The following ALK variants were observed in gnomAD, a reference collection of about 807,000 sequenced individuals.
ALK encodes the protein ALK receptor tyrosine kinase.
A neutral mutation model predicts 163.1 loss-of-function variants in ALK; 74 were observed. The ratio of observed to expected loss-of-function variants is 0.45; its 90% CI spans 0.38 to 0.55. The LOEUF is 0.55. ALK is among the 20% of genes least tolerant of loss of function. ALK has a pLI of 0.00. For synonymous variants in ALK, 960 were observed against 843.2 expected (o/e 1.14, Z -2.40); for missense variants, 2,063 against 2,105.3 (o/e 0.98, Z 0.39).
In ALK at chr2:29,355,566, G is replaced by A. The variant is rs530305821; in HGVS notation, c.1283-27085C>T. 4.6e-5 allele frequency among the ~76,000 whole-genome samples: 7 copies of A among 152,174 alleles called. No individual in the cohort carries two copies. The South Asian group carries it at 1.2e-3, about 27-fold the overall frequency. On this transcript the variant is annotated intron_variant, in intron 5 of 28. Transcript: ENST00000389048. Reference sequence around the variant, plus strand: ...TCCTTATGCCACTATCCCATCCCTCGGCTGAGGCGTGTTGCCCAATGGGCC... The same window carrying A: ...TCCTTATGCCACTATCCCATCCCTCAGCTGAGGCGTGTTGCCCAATGGGCC...
chr2:29,720,903 T>C (rs1489267617), intron 1 of ALK, among the ~76,000 whole-genome samples: 2 of 152,094 alleles, frequency 1.3e-5, no homozygotes, highest in African/African-American at 2.4e-5. Flanking sequence ...GCCTCATCAA[T>C]GCAGATATAT....
At chr2:29,865,252 C>T (rs1666402867) in intron 1 of ALK, among the ~76,000 whole-genome samples, 1 of 152,188 alleles carries the variant, frequency 6.6e-6, no homozygotes. Flanking sequence ...GGATTTTTAT[C>T]ACAGTGACTA....
chr2:29,890,640 C>A (rs1017935033), intron 1 of ALK: 2 of 152,212 alleles, frequency 1.3e-5, no homozygotes, highest in East Asian at 3.8e-4. Flanking sequence ...TCTCTCTCCA[C>A]GGCCCCTCTG....
At chr2:29,652,606 A>G (rs7561703) in intron 3 of ALK, among the ~76,000 whole-genome samples, 16,038 of 152,220 alleles carry the variant, frequency 0.11, 1,582 homozygotes, top group African/African-American at 0.26. Context: ...CCAAGGCAGG[A>G]TTAGAAGATA....
At chr2:29,211,693 G>C (rs1411463129) in intron 24 of ALK, among the ~76,000 whole-genome samples, 2 of 152,204 alleles carry the variant, frequency 1.3e-5, no homozygotes, top group African/African-American at 2.4e-5. Context: ...ACTCTGTTGT[G>C]GGTATGTACC....
chr2:29,314,864 C>G (rs1298613308), intron 8 of ALK, among the ~76,000 whole-genome samples: 4 of 152,100 alleles, frequency 2.6e-5, no homozygotes, highest in South Asian at 2.1e-4. Flanking sequence ...TCAGCCGCCA[C>G]TCTGCCGTGC....
chr2:29,570,012 AC>A (rs1674310288), intron 3 of ALK, among the ~76,000 whole-genome samples: 2 of 152,168 alleles, frequency 1.3e-5, no homozygotes, highest in South Asian at 2.1e-4. Context: ...GCCTGAAGGA[AC>A]CACCTGCTTA....
intron 3 of ALK, among the ~76,000 whole-genome samples, chr2:29,625,038 G>A (rs546511813): frequency 2.0e-5 from 3 of 152,316 alleles, no homozygotes; most frequent in East Asian, 1.9e-4. Context: ...TGGTATGGAC[G>A]TGAGTGTGTC....
At chr2:29,838,390 T>A (rs1249382616) in intron 1 of ALK, among the ~76,000 whole-genome samples, 2 of 152,038 alleles carry the variant, frequency 1.3e-5, no homozygotes, top group Non-Finnish European at 2.9e-5. Context: ...CCACACATGA[T>A]AAATACAATG....
chr2:29,497,258 G>C (rs1022040601), intron 4 of ALK, among the ~76,000 whole-genome samples: 2 of 148,960 alleles, frequency 1.3e-5, no homozygotes, highest in African/African-American at 5.0e-5. Flanking sequence ...GGCAACAAGA[G>C]TGAAACTCCA....
At chr2:29,195,677 G>A (rs1669004374) in intron 28 of ALK, among the ~76,000 whole-genome samples, 2 of 152,248 alleles carry the variant, frequency 1.3e-5, no homozygotes, top group Admixed American at 1.3e-4. Context: ...GGAGGCTGCA[G>A]TGAGCCAAGA....
chr2:29,630,966 G>C (rs935276323), intron 3 of ALK, among the ~76,000 whole-genome samples: 1 of 152,168 alleles, frequency 6.6e-6, no homozygotes. Flanking sequence ...CTTCAAGAAA[G>C]GTAGCAATTT....
intron 1 of ALK, among the ~76,000 whole-genome samples, chr2:29,867,047 A>G (rs1301902767): frequency 1.3e-5 from 2 of 152,206 alleles, no homozygotes; most frequent in Admixed American, 6.5e-5. Flanking sequence ...CTGGATGCCA[A>G]CTTCTGGGGT....
chr2:29,374,723 GCAGAT>G (rs1185577532), intron 5 of ALK, among the ~76,000 whole-genome samples: 1 of 152,206 alleles, frequency 6.6e-6, no homozygotes, highest in Non-Finnish European at 1.5e-5. Flanking sequence ...AGAAATGCAA[GCAGAT>G]CTCAGTGGCT....
chr2:29,853,788 C>T (rs542299454), intron 1 of ALK, among the ~76,000 whole-genome samples: 7 of 150,910 alleles, frequency 4.6e-5, no homozygotes, highest in African/African-American at 1.7e-4. Flanking sequence ...CTCTCCTCTC[C>T]CTCCCTCCTC....
At chr2:29,217,403 G>T (rs1669669785) in intron 23 of ALK, among the ~76,000 whole-genome samples, 1 of 141,562 alleles carries the variant, frequency 7.1e-6, no homozygotes, top group South Asian at 2.6e-4. Context: ...GGGTGGGGTG[G>T]GAGGAGCTGT....
At chr2:29,903,377 C>A (rs1193567983) in intron 1 of ALK, among the ~76,000 whole-genome samples, 2 of 152,070 alleles carry the variant, frequency 1.3e-5, no homozygotes, top group Non-Finnish European at 2.9e-5. Flanking sequence ...TCATTCATTC[C>A]TTTTTTCTTC....
chr2:29,203,485 C>CTGTTTTTTTTTTT (rs1669232220), intron 26 of ALK, among the ~76,000 whole-genome samples: 1 of 32,544 alleles, frequency 3.1e-5, no homozygotes, highest in Non-Finnish European at 5.2e-5. Flanking sequence ...GAGGATGTGC[C>CTGTTTTTTTTTTT]TTTTTTTTTT....
At chr2:29,212,550 C>T (rs1408004202) in intron 24 of ALK, among the ~76,000 whole-genome samples, 1 of 152,172 alleles carries the variant, frequency 6.6e-6, no homozygotes, top group African/African-American at 2.4e-5. Context: ...GATGAAGTGA[C>T]AGGAAGAGGA....
Sources: gnomAD v4.1 joint callset for allele counts (sites outside exome capture counted in the v4.1 genomes callset) on GRCh38, gnomAD v4.1.1 for gene constraint, MANE v1.5 for transcripts, NCBI Gene and HGNC (gene_info 2026-07-23, HGNC 2026-07-21) for gene names.